Variants in ARFGEF1 observed in about 807,000 individuals in gnomAD.
The protein encoded by ARFGEF1 is ARF guanine nucleotide exchange factor 1.
ARFGEF1 carries 42 observed loss-of-function variants against 231.0 expected under a neutral mutation model. The observed-to-expected ratio is 0.18, with a 90% confidence interval of 0.14 to 0.24. ARFGEF1 has a LOEUF of 0.24. Ranked by LOEUF, ARFGEF1 falls within the 10% of genes least tolerant of loss-of-function variation. The pLI is 1.00. For synonymous variants in ARFGEF1, 710 were observed against 732.3 expected, an observed-to-expected ratio of 0.97 and a Z score of 0.49; for missense variants, 1,345 against 2,192.0, an observed-to-expected ratio of 0.61 and a Z score of 7.72.
At chr8:67,319,380 T>C (rs906824933) in intron 1 of ARFGEF1, among the ~76,000 whole-genome samples, 2 of 151,954 alleles carry the variant, frequency 1.3e-5, no homozygotes, top group Admixed American at 1.3e-4. Flanking sequence ...ATCAATGGAA[T>C]AGAGTCCAGA....
chr8:67,318,239 G>GA (rs34563091), intron 1 of ARFGEF1, among the ~76,000 whole-genome samples: 24,437 of 78,322 alleles, frequency 0.31, 3,109 homozygotes, highest in East Asian at 0.48. Flanking sequence ...TCCGTCTCAA[G>GA]AAAAAAAAAA....
At chr8:67,209,464 G>C (rs1269478399) in intron 34 of ARFGEF1, among the ~76,000 whole-genome samples, 1 of 152,166 alleles carries the variant, frequency 6.6e-6, no homozygotes, top group Non-Finnish European at 1.5e-5. Flanking sequence ...GGGGCTGGGG[G>C]GCTCCCTTTA....
intron 7 of ARFGEF1, among the ~76,000 whole-genome samples, chr8:67,281,616 C>G (rs145106249): frequency 0.019 from 2,801 of 151,118 alleles, 71 homozygotes; most frequent in South Asian, 0.045. Flanking sequence ...CAAAAAGAAA[C>G]AAACAAAAAT....
chr8:67,269,390 T>C (rs1366313907), intron 10 of ARFGEF1, among the ~76,000 whole-genome samples: 1 of 150,274 alleles, frequency 6.7e-6, no homozygotes, highest in Admixed American at 6.6e-5. Flanking sequence ...TTCGCTCTTG[T>C]TGACCAGGCT....
Position 67,251,962 on chromosome 8 carries a change from AAG to A in ARFGEF1, c.2699-514_2699-513del, listed in dbSNP as rs561998164. ...CAAATATGGAATGGGAGAAGAGCAGAAGAGAGGTAAAATGCAATGGCATCTGG... is the reference window on the plus strand; with the variant it reads ...CAAATATGGAATGGGAGAAGAGCAGAAGAGGTAAAATGCAATGGCATCTGG... On this transcript the variant is annotated intron_variant, in intron 18 of 38. Coordinates refer to ENST00000262215, the MANE Select transcript of ARFGEF1 (RefSeq NM_006421.5). Among the ~76,000 whole-genome samples the A allele has an allele frequency of 1.1e-4, 16 of 152,264 alleles. No individual in the cohort carries two copies. The South Asian group carries it at 3.3e-3, about 32-fold the overall frequency.
Position 67,227,477 on chromosome 8 carries a change from C to T in ARFGEF1, c.3713G>A (p.Arg1238Lys). The T allele has an allele frequency of 1.9e-6, 3 of 1,613,002 alleles. No homozygotes were observed. The South Asian group carries it at 3.3e-5, about 18-fold the overall frequency. Reference protein sequence around the residue: ...ANFRFQKDFLRPFEHIMKRNR... With the variant: ...ANFRFQKDFLKPFEHIMKRNR... ...CCGTTTCATTATATGTTCAAAAGGT[C>T]TTAAGAAATCCTTCTGGAATCTGAA... Residue 1238 changes from arginine to lysine, a missense_variant, in exon 26 of 39, where the codon AGA becomes AAA. By Grantham distance (26) the Arg-to-Lys change is conservative. This residue lies in a region of ARFGEF1 where 142 missense variants were observed against 227.3 expected (regional missense o/e 0.62). Coordinates refer to ENST00000262215, the MANE Select transcript of ARFGEF1 (RefSeq NM_006421.5).
chr8:67,305,849 A>G (rs1169427442), intron 1 of ARFGEF1, among the ~76,000 whole-genome samples: 1 of 152,212 alleles, frequency 6.6e-6, no homozygotes, highest in Non-Finnish European at 1.5e-5. Context: ...ATTTCTGTCA[A>G]CTAGAACATA....
chr8:67,239,054 T>C (rs1839852946), intron 20 of ARFGEF1, among the ~76,000 whole-genome samples, 161 bp from the exon 21 acceptor site: 1 of 152,012 alleles, frequency 6.6e-6, no homozygotes, highest in South Asian at 2.1e-4. Flanking sequence ...TCGCCCAGGC[T>C]GGGGTTCAAT....
At chr8:67,319,018 T>C (rs1807455784) in intron 1 of ARFGEF1, among the ~76,000 whole-genome samples, 1 of 152,162 alleles carries the variant, frequency 6.6e-6, no homozygotes, top group Admixed American at 6.5e-5. Flanking sequence ...AAAATAAAAT[T>C]CTTAAGTATG....
intron 5 of ARFGEF1, among the ~76,000 whole-genome samples, chr8:67,180,720 G>A (rs1832797600): frequency 6.6e-6 from 1 of 151,982 alleles, no homozygotes; most frequent in South Asian, 2.1e-4. Context: ...AAGTGTATAA[G>A]GAATCTCTAC....
chr8:67,183,842 A>ATT (rs1833643647), intron 5 of ARFGEF1, among the ~76,000 whole-genome samples: 2 of 141,066 alleles, frequency 1.4e-5, no homozygotes, highest in African/African-American at 5.6e-5. Context: ...AAAAATTGGG[A>ATT]ATTTTTTTTT....
chr8:67,308,790 CA>C (rs1806862861), intron 1 of ARFGEF1, among the ~76,000 whole-genome samples: 2 of 151,966 alleles, frequency 1.3e-5, no homozygotes, highest in African/African-American at 4.8e-5. Context: ...TTAATGGACA[CA>C]TATTAATTGT....
chr8:67,203,270 C>G lies in ARFGEF1; in HGVS notation c.4960-19G>C, dbSNP rs575118020. On this transcript the variant is annotated intron_variant, in intron 35 of 38. Transcript: ENST00000262215. Reference sequence around the variant, plus strand: ...CATCTCTCTTTGGAAAACAAACCACCCCAGCATATACACACAGTCACAATA... The same window carrying G: ...CATCTCTCTTTGGAAAACAAACCACGCCAGCATATACACACAGTCACAATA... The G allele has an allele frequency of 6.2e-7, 1 of 1,611,630 alleles. No individual in the cohort carries two copies. Among genetic ancestry groups the G allele is most frequent in the East Asian group, 2.2e-5 (1 of 44,864 alleles).
chr8:67,329,294 T>C (rs1309775880), intron 1 of ARFGEF1, among the ~76,000 whole-genome samples: 1 of 151,772 alleles, frequency 6.6e-6, no homozygotes, highest in Non-Finnish European at 1.5e-5. Flanking sequence ...GGCTCACGCC[T>C]GTAATCCCAG....
chr8:67,206,125 C>T (rs1173641777), intron 34 of ARFGEF1, among the ~76,000 whole-genome samples: 3 of 151,596 alleles, frequency 2.0e-5, no homozygotes, highest in South Asian at 2.1e-4. Context: ...AAAGTTAAGC[C>T]GGGGCCGGGT....
intron 5 of ARFGEF1, among the ~76,000 whole-genome samples, chr8:67,178,413 C>G (rs904889777): frequency 1.3e-5 from 2 of 152,170 alleles, no homozygotes; most frequent in East Asian, 1.9e-4. Context: ...GGACAAGAAA[C>G]TGTTCTAGGT....
intron 22 of ARFGEF1, among the ~76,000 whole-genome samples, chr8:67,233,440 C>T (rs990985907): frequency 2.0e-5 from 3 of 152,002 alleles, no homozygotes; most frequent in African/African-American, 7.2e-5. Context: ...ACTGGTTCCA[C>T]ATGTTGGAGA....
intron 7 of ARFGEF1, among the ~76,000 whole-genome samples, chr8:67,285,532 A>G (rs1350577411): frequency 6.6e-6 from 1 of 152,074 alleles, no homozygotes; most frequent in Admixed American, 6.6e-5. Context: ...GAAAACAAAA[A>G]AAAACACTGG....
chr8:67,229,870 A>C (rs1317824601), intron 23 of ARFGEF1, among the ~76,000 whole-genome samples: 1 of 152,098 alleles, frequency 6.6e-6, no homozygotes, highest in Non-Finnish European at 1.5e-5. Context: ...CTGAGAAGAA[A>C]GCAAATGGCA....
Sources: gnomAD v4.1 joint callset for allele counts (sites outside exome capture counted in the v4.1 genomes callset) on GRCh38, gnomAD v4.1.1 for gene constraint, gnomAD v4.1.1 regional missense constraint, MANE v1.5 for transcripts, NCBI Gene and HGNC (gene_info 2026-07-23, HGNC 2026-07-21) for gene names.